The following ZNF804B variants were observed in gnomAD, a reference collection of about 807,000 sequenced individuals.
ZNF804B encodes the protein zinc finger protein 804B.
ZNF804B carries 80 observed loss-of-function variants against 101.4 expected under a neutral mutation model. The observed-to-expected ratio is 0.79, with a 90% CI of 0.66 to 0.95. The LOEUF is 0.95. Ranked by LOEUF, ZNF804B falls within the 40% of genes least tolerant of loss-of-function variation. The pLI, the probability that ZNF804B is intolerant of heterozygous loss-of-function variation, is 0.00. For missense variants in ZNF804B, 1,673 were observed against 1,561.9 expected (o/e 1.07, Z -1.20); for synonymous variants, 622 against 558.8 (o/e 1.11, Z -1.59).
intron 1 of ZNF804B, among the ~76,000 whole-genome samples, chr7:88,895,789 C>T (rs984005548): frequency 6.6e-6 from 1 of 152,068 alleles, no homozygotes; most frequent in African/African-American, 2.4e-5. Context: ...ACAAGTTGTG[C>T]AACAGAATAA....
intron 1 of ZNF804B, among the ~76,000 whole-genome samples, chr7:88,948,306 A>ATTTTTTTTTTTTTTTTTTTTT (rs68069374): frequency 1.1e-5 from 1 of 92,702 alleles, no homozygotes. Context: ...CCACCCATCC[A>ATTTTTTTTTTTTTTTTTTTTT]TTTTTTTTTT....
chr7:88,762,021 C>A (rs1165585517), intron 1 of ZNF804B, among the ~76,000 whole-genome samples: 2 of 152,000 alleles, frequency 1.3e-5, no homozygotes, highest in Non-Finnish European at 2.9e-5. Flanking sequence ...TACTCCCCAC[C>A]CTCAGGGCAC....
intron 1 of ZNF804B, among the ~76,000 whole-genome samples, chr7:88,967,488 CA>C (rs1222812065): frequency 6.6e-6 from 1 of 151,454 alleles, no homozygotes; most frequent in Non-Finnish European, 1.5e-5. Flanking sequence ...AGAGCCAAAC[CA>C]CACCAATGGA....
intron 1 of ZNF804B, among the ~76,000 whole-genome samples, chr7:89,050,595 T>C (rs1208157548): frequency 6.6e-6 from 1 of 152,178 alleles, no homozygotes; most frequent in East Asian, 1.9e-4. Flanking sequence ...CTTCAGATGG[T>C]TTAAATTTTA....
chr7:88,789,140 G>C (rs1198393995), intron 1 of ZNF804B, among the ~76,000 whole-genome samples: 1 of 151,916 alleles, frequency 6.6e-6, no homozygotes, highest in Admixed American at 6.6e-5. Context: ...TATCAAAGTT[G>C]GTCTTTCAAA....
chr7:89,259,400 C>T (rs934012688), intron 2 of ZNF804B, among the ~76,000 whole-genome samples: 65 of 152,296 alleles, frequency 4.3e-4, no homozygotes, highest in African/African-American at 1.4e-3. Context: ...TGTGATGTCA[C>T]GCATAATACC....
chr7:88,908,521 T>C (rs1792503969), intron 1 of ZNF804B, among the ~76,000 whole-genome samples: 1 of 151,884 alleles, frequency 6.6e-6, no homozygotes, highest in Non-Finnish European at 1.5e-5. Flanking sequence ...AAAATACTTC[T>C]ACCTTCGTTT....
intron 1 of ZNF804B, among the ~76,000 whole-genome samples, chr7:88,976,194 G>T (rs531122636): frequency 6.6e-6 from 1 of 151,332 alleles, no homozygotes; most frequent in Non-Finnish European, 1.5e-5. Context: ...TAATTCTTCC[G>T]TTTTTGTTCT....
At chr7:88,949,421 GA>G (rs1793184673) in intron 1 of ZNF804B, among the ~76,000 whole-genome samples, 1 of 151,866 alleles carries the variant, frequency 6.6e-6, no homozygotes, top group South Asian at 2.1e-4. Flanking sequence ...CTCTGATTGA[GA>G]ACCATTATTC....
At chr7:88,817,245 G>C (rs967094220) in intron 1 of ZNF804B, among the ~76,000 whole-genome samples, 1 of 152,144 alleles carries the variant, frequency 6.6e-6, no homozygotes, top group Non-Finnish European at 1.5e-5. Context: ...ATGGGGGGAT[G>C]GGGGAGGGAT....
chr7:88,970,907 A>G (rs1793527847), intron 1 of ZNF804B, among the ~76,000 whole-genome samples: 1 of 151,306 alleles, frequency 6.6e-6, no homozygotes, highest in African/African-American at 2.4e-5. Context: ...AACATGGCAC[A>G]TGTATACATA....
chr7:89,141,302 G>T (rs1790711982), intron 1 of ZNF804B, among the ~76,000 whole-genome samples: 1 of 152,044 alleles, frequency 6.6e-6, no homozygotes, highest in Non-Finnish European at 1.5e-5. Context: ...CATGCTTTTG[G>T]AGTAATTGGG....
rs561425220 is a variant in ZNF804B at position 89,049,821 on chromosome 7, G to T, written c.109-168334G>T. Among the ~76,000 whole-genome samples, 9 of 152,194 alleles carry T rather than the reference G, an allele frequency of 5.9e-5. No individual in the cohort carries two copies. The South Asian group carries it at 1.7e-3, about 28-fold the overall frequency. On this transcript the variant is annotated intron_variant, in intron 1 of 3. Coordinates refer to ENST00000333190, the MANE Select transcript of ZNF804B (RefSeq NM_181646.5). ...AAAGTCAGAGGTTCAAGACAAGCCT[G>T]GCCAACATGGTGAAACTTCATCTCT...
intron 1 of ZNF804B, among the ~76,000 whole-genome samples, chr7:88,959,663 G>A (rs754587394): frequency 1.3e-5 from 2 of 151,188 alleles, no homozygotes; most frequent in Non-Finnish European, 3.0e-5. Context: ...GATTTATAAC[G>A]TGTTTGCATA....
chr7:88,824,690 C>T (rs541668309), intron 1 of ZNF804B, among the ~76,000 whole-genome samples: 44 of 151,590 alleles, frequency 2.9e-4, no homozygotes, highest in African/African-American at 1.0e-3. Context: ...GAATAAAGCT[C>T]ATTTTGTGTT....
At chr7:89,200,523 C>T (rs34225502) in intron 1 of ZNF804B, among the ~76,000 whole-genome samples, 2,847 of 151,888 alleles carry the variant, frequency 0.019, 36 homozygotes, top group South Asian at 0.024. Flanking sequence ...TTGATCAGAC[C>T]CAGAGAATGT....
At chr7:89,267,153 C>A (rs936732013) in intron 2 of ZNF804B, among the ~76,000 whole-genome samples, 1 of 151,996 alleles carries the variant, frequency 6.6e-6, no homozygotes, top group Non-Finnish European at 1.5e-5. Context: ...TGATATTGAT[C>A]CTTTGTTTCA....
At chr7:89,165,282 A>G (rs1402991592) in intron 1 of ZNF804B, among the ~76,000 whole-genome samples, 1 of 152,120 alleles carries the variant, frequency 6.6e-6, no homozygotes, top group Non-Finnish European at 1.5e-5. Context: ...TGTTCTGCTG[A>G]TGAGACATGA....
intron 1 of ZNF804B, among the ~76,000 whole-genome samples, chr7:89,095,654 G>C (rs375574259): frequency 6.6e-6 from 1 of 152,270 alleles, no homozygotes; most frequent in South Asian, 2.1e-4. Context: ...TCTGTTACTA[G>C]TTTAGCGTAA....
Sources: allele counts gnomAD v4.1 joint callset (sites outside exome capture counted in the v4.1 genomes callset), GRCh38; gene constraint gnomAD v4.1.1; transcripts MANE v1.5; gene names NCBI Gene and HGNC (gene_info 2026-07-23, HGNC 2026-07-21).